The following ZBTB7A variants were observed in gnomAD, a reference collection of about 807,000 sequenced individuals.
The protein encoded by ZBTB7A is zinc finger and BTB domain-containing protein 7A.
In ZBTB7A, 7 loss-of-function variants were observed where a neutral mutation model predicts 26.7. That is an observed-to-expected ratio of 0.26 (90% CI 0.15 to 0.49). The LOEUF is 0.49. Ranked by LOEUF, ZBTB7A falls within the 20% of genes least tolerant of loss-of-function variation. The pLI is 0.98. For synonymous variants in ZBTB7A, 452 were observed against 441.0 expected (o/e 1.02, Z -0.31); for missense variants, 617 against 919.5 (o/e 0.67, Z 4.25).
intron 2 of ZBTB7A, among the ~76,000 whole-genome samples, chr19:4,049,865 C>T (rs2040479763): frequency 6.6e-6 from 1 of 152,184 alleles, no homozygotes; most frequent in African/African-American, 2.4e-5. Context: ...AATTTGGGCT[C>T]AAATGTCACC....
At chr19:4,060,245 C>T (rs552502611) in intron 1 of ZBTB7A, among the ~76,000 whole-genome samples, 2 of 152,158 alleles carry the variant, frequency 1.3e-5, no homozygotes, top group Non-Finnish European at 2.9e-5. Flanking sequence ...ATAGTAGGGG[C>T]GCAGCAAACC....
At position 4,046,767 on chromosome 19, in the gene ZBTB7A, T is replaced by TA. The variant is rs2040425118; in HGVS notation, c.*984_*985insT. 1 of 147,196 alleles carries TA rather than the reference T, an allele frequency of 6.8e-6. No individual in the cohort carries two copies. Among genetic ancestry groups the TA allele is most frequent in the East Asian group, 1.9e-4 (1 of 5,132 alleles). 9.1% of individuals were successfully genotyped at this position (147,196 alleles called of 1,614,324 possible). On this transcript the variant is annotated 3_prime_UTR_variant, in exon 3 of 3. Coordinates refer to ENST00000322357, the MANE Select transcript of ZBTB7A (RefSeq NM_015898.4). ...TGCTCCTCTGAGGAAAAGTATATTATTTATATATATATATATATCTATATA... is the reference window on the plus strand; with the variant it reads ...TGCTCCTCTGAGGAAAAGTATATTATATTATATATATATATATATCTATATA...
rs1204212895 is a variant in ZBTB7A at position 4,053,997 on chromosome 19, G to A, written c.1236C>T (p.Cys412=). ...TGGTGAAGCGGACCTTGCAGATGTT[G>A]CACTCGTAGGGCTTCTCGCCCGTGT... ...RTHTGEKPYE[C]NICKVRFTRQ... is the part of the protein sequence containing the mutation. The change falls in exon 2 of 3, where the codon TGC becomes TGT. Residue 412 remains cysteine (C), a synonymous_variant. Coordinates refer to ENST00000322357, the MANE Select transcript of ZBTB7A (RefSeq NM_015898.4). 1 of 1,607,522 alleles carries A rather than the reference G, an allele frequency of 6.2e-7. No homozygotes were observed. The highest frequency in any genetic ancestry group is 8.5e-7 in the Non-Finnish European group (1 of 1,177,966).
chr19:4,055,585 G>C (rs1212629943), intron 1 of ZBTB7A: 1 of 503,492 alleles, frequency 2.0e-6, no homozygotes, highest in African/African-American at 2.1e-5. Context: ...CACTTTGGGA[G>C]GCCGAGACAG....
chr19:4,061,002 T>C (rs1033816409), intron 1 of ZBTB7A, among the ~76,000 whole-genome samples: 3 of 152,100 alleles, frequency 2.0e-5, no homozygotes, highest in Admixed American at 6.5e-5. Context: ...TTGGGCAAGA[T>C]GCGAGACCTC....
At position 4,044,727 on chromosome 19, in the gene ZBTB7A, A is replaced by C. The variant is rs1260445556; in HGVS notation, c.*3025T>G. ...CAGGCAGTTAAAAAAAAAACACCCCAAAAAAAGAAAACACAAAAAACCCCA... is the reference window on the plus strand; with the variant it reads ...CAGGCAGTTAAAAAAAAAACACCCCCAAAAAAGAAAACACAAAAAACCCCA... On this transcript the variant is annotated 3_prime_UTR_variant, in exon 3 of 3. Transcript: ENST00000322357. 2.7e-5 allele frequency: 4 copies of C among 146,256 alleles called. No individual in the cohort carries two copies. The highest frequency in any genetic ancestry group is 1.0e-4 in the African/African-American group (4 of 39,712). The allele number at this position is 146,256 out of a possible 1,614,324, so 9.1% of individuals were successfully genotyped here. A position where few individuals can be genotyped will look rare whatever the true frequency, so the allele number is the denominator to read the frequency against.
intron 1 of ZBTB7A, among the ~76,000 whole-genome samples, chr19:4,065,164 AG>A (rs1396523877): frequency 1.3e-5 from 2 of 150,594 alleles, no homozygotes; most frequent in Non-Finnish European, 3.0e-5. Context: ...AAGGGAAAGG[AG>A]GGGGGGTCCG....
At chr19:4,060,517 C>G (rs2040627949) in intron 1 of ZBTB7A, among the ~76,000 whole-genome samples, 2 of 152,244 alleles carry the variant, frequency 1.3e-5, no homozygotes, top group Admixed American at 6.5e-5. Flanking sequence ...CGAGGTCACA[C>G]AGCAGCCCTC....
Position 4,054,015 on chromosome 19 carries a change from G to A in ZBTB7A, c.1218C>T (p.Gly406=), listed in dbSNP as rs903215344. 6.2e-7 allele frequency: 1 copy of A among 1,611,110 alleles called. No homozygotes were observed. The highest frequency in any genetic ancestry group is 8.5e-7 in the Non-Finnish European group (1 of 1,179,558). ...KLPRHIRTHT[G]EKPYECNICK... ...AGATGTTGCACTCGTAGGGCTTCTC[G>A]CCCGTGTGGGTGCGGATGTGTCGCG... The change falls in exon 2 of 3, where the codon GGC becomes GGT. Residue 406 remains glycine (G), a synonymous_variant. Coordinates refer to ENST00000322357, the MANE Select transcript of ZBTB7A (RefSeq NM_015898.4).
intron 1 of ZBTB7A, among the ~76,000 whole-genome samples, chr19:4,057,411 G>A (rs2040592071): frequency 6.6e-6 from 1 of 152,180 alleles, no homozygotes; most frequent in Non-Finnish European, 1.5e-5. Context: ...CTCGAGAGAA[G>A]TGCCCTGATC....
At chr19:4,066,277 G>A (rs2040695283) in intron 1 of ZBTB7A, among the ~76,000 whole-genome samples, 1 of 147,816 alleles carries the variant, frequency 6.8e-6, no homozygotes, top group African/African-American at 2.5e-5. Flanking sequence ...CCCGGGGGGC[G>A]AGAGCGCCCC....
Position 4,060,406 on chromosome 19 carries a change from G to A in ZBTB7A, c.-15-5159C>T, listed in dbSNP as rs74576719. 4.6e-3 allele frequency among the ~76,000 whole-genome samples: 704 copies of A among 152,312 alleles called. 5 individuals carry two copies. Among genetic ancestry groups the A allele is most frequent in the African/African-American group, 0.015 (624 of 41,556 alleles). On this transcript the variant is annotated intron_variant, in intron 1 of 2. Coordinates refer to ENST00000322357, the MANE Select transcript of ZBTB7A (RefSeq NM_015898.4). Reference sequence around the variant, plus strand: ...GTGTTTGTCGAGAGCCACGGCACCCGGGCCGCATTTCGGCCCCCTCTGTGC... The same window carrying A: ...GTGTTTGTCGAGAGCCACGGCACCCAGGCCGCATTTCGGCCCCCTCTGTGC...
At position 4,044,083 on chromosome 19, in the gene ZBTB7A, G is replaced by A. The variant is rs2040381824; in HGVS notation, c.*3669C>T. ...CTGCCTCAGTGTCACCACCTGTGAG[G>A]TGACCGCTCCTGCCACGGCCCCGGG... On this transcript the variant is annotated 3_prime_UTR_variant, in exon 3 of 3. Transcript: ENST00000322357. Among the ~76,000 whole-genome samples the A allele has an allele frequency of 6.6e-6, 1 of 152,018 alleles. No individual in the cohort carries two copies. The highest frequency in any genetic ancestry group is 2.4e-5 in the African/African-American group (1 of 41,382).
At chr19:4,057,786 A>C (rs2040596226) in intron 1 of ZBTB7A, among the ~76,000 whole-genome samples, 1 of 151,188 alleles carries the variant, frequency 6.6e-6, no homozygotes, top group Non-Finnish European at 1.5e-5. Flanking sequence ...GTCTCCAAAA[A>C]AAAAAAAAAA....
Position 4,044,628 on chromosome 19 carries a change from A to G in ZBTB7A, c.*3124T>C, listed in dbSNP as rs2040390414. The G allele has an allele frequency of 6.8e-6, 1 of 147,840 alleles. No individual in the cohort carries two copies. Among genetic ancestry groups the G allele is most frequent in the African/African-American group, 2.5e-5 (1 of 40,102 alleles). 9.2% of individuals were successfully genotyped at this position (147,840 alleles called of 1,614,324 possible). A position where few individuals can be genotyped will look rare whatever the true frequency, so the allele number is the denominator to read the frequency against. On this transcript the variant is annotated 3_prime_UTR_variant, in exon 3 of 3. Transcript: ENST00000322357. ...CACACACGCACACACGCGTCCACGC[A>G]ACTTCACCATGAGAATGGAAATAAC...
Position 4,043,673 on chromosome 19 carries a change from C to T in ZBTB7A, c.*4079G>A, listed in dbSNP as rs899030787. ...CTGGTCCACAGCCTCCAGGCAGCCC[C>T]GGCGAGGGATGGGGGTCTCCCTGGC... is the stretch of plus-strand genomic sequence containing the variant. On this transcript the variant is annotated 3_prime_UTR_variant, in exon 3 of 3. Coordinates refer to ENST00000322357, the MANE Select transcript of ZBTB7A (RefSeq NM_015898.4). 3.3e-5 allele frequency among the ~76,000 whole-genome samples: 5 copies of T among 149,948 alleles called. No homozygotes were observed. In the South Asian group the frequency reaches 8.7e-4, roughly 26 times the overall value.
Position 4,054,301 on chromosome 19 carries a change from A to G in ZBTB7A, c.932T>C (p.Val311Ala). ...AEGEDGDGPD[V>A]DGLAASTLLQ... ...CAGCGTGCTGGCCGCCAGCCCGTCC[A>G]CGTCGGGCCCGTCCCCGTCCTCGCC... Residue 311 changes from valine (V) to alanine (A), a missense_variant, in exon 2 of 3, where the codon GTG becomes GCG. Transcript: ENST00000322357. 2.0e-6 allele frequency: 3 copies of G among 1,535,232 alleles called. No individual in the cohort carries two copies. The highest frequency in any genetic ancestry group is 2.6e-6 in the Non-Finnish European group (3 of 1,146,906).
chr19:4,065,888 C>A (rs933649872), intron 1 of ZBTB7A, among the ~76,000 whole-genome samples: 1 of 143,750 alleles, frequency 7.0e-6, no homozygotes, highest in East Asian at 2.1e-4. Context: ...CGAGGGGAGC[C>A]CGGCTCCAGG....
rs1269544813 is a variant in ZBTB7A, at chr19:4,049,144, CTA to C, written c.1263-902_1263-901del. Among the ~76,000 whole-genome samples, 27 of 69,194 alleles carry C rather than the reference CTA, an allele frequency of 3.9e-4. 1 individual carries two copies. Among genetic ancestry groups the C allele is most frequent in the Admixed American group, 1.3e-3 (7 of 5,420 alleles). The allele number at this position is 69,194 out of a possible 152,430, so 45.4% of individuals were successfully genotyped here. A position where few individuals can be genotyped will look rare whatever the true frequency, so the allele number is the denominator to read the frequency against. On this transcript the variant is annotated intron_variant, in intron 2 of 2. Transcript: ENST00000322357. ...CACACCCTATTAAATAGCTATTAAA[CTA>C]TATGTGTGTGTGTGTGTGTGTGTAT...
Sources: gnomAD v4.1 joint callset for allele counts (sites outside exome capture counted in the v4.1 genomes callset) on GRCh38, gnomAD v4.1.1 for gene constraint, MANE v1.5 for transcripts, NCBI Gene and HGNC (gene_info 2026-07-23, HGNC 2026-07-21) for gene names.